ZMIZ1: variants seen among roughly 807,000 people sequenced by gnomAD.
ZMIZ1 encodes zinc finger MIZ-type containing 1.
A neutral mutation model predicts 113.9 loss-of-function variants in ZMIZ1; 17 were observed. The observed-to-expected ratio is 0.15, with a 90% CI of 0.10 to 0.22. The LOEUF (loss-of-function observed/expected upper bound fraction) is 0.22, where lower values mean the gene tolerates loss of function less well. Ranked by LOEUF, ZMIZ1 falls within the 10% of genes least tolerant of loss-of-function variation. The pLI is 1.00. For missense variants in ZMIZ1, 1,059 were observed against 1,477.8 expected (o/e 0.72, Z 4.65); for synonymous variants, 607 against 603.1 (o/e 1.01, Z -0.09).
intron 5 of ZMIZ1, 31 bp downstream of exon 5, chr10:79,201,723 C>G: frequency 6.2e-7 from 1 of 1,603,394 alleles, no homozygotes; most frequent in Non-Finnish European, 8.5e-7. Context: ...ACTCCGAGGG[C>G]GGGGCAGATG....
At chr10:79,225,000 CGAG>C (rs1379051829) in intron 7 of ZMIZ1, among the ~76,000 whole-genome samples, 2 of 152,118 alleles carry the variant, frequency 1.3e-5, no homozygotes, top group Admixed American at 6.6e-5. Context: ...ACCTGAGAGG[CGAG>C]GAGGAGGAGG....
chr10:79,099,372 T>G (rs1843278192), intron 1 of ZMIZ1, among the ~76,000 whole-genome samples: 1 of 152,160 alleles, frequency 6.6e-6, no homozygotes, highest in Non-Finnish European at 1.5e-5. Context: ...GAAAAGGTCC[T>G]TCCCCCTCCC....
intron 8 of ZMIZ1, among the ~76,000 whole-genome samples, chr10:79,278,579 C>T (rs1256591782): frequency 6.6e-6 from 1 of 151,148 alleles, no homozygotes; most frequent in Non-Finnish European, 1.5e-5. Flanking sequence ...GGCAGAGGGT[C>T]CTGCCGCCCT....
At chr10:79,305,264 C>A in intron 20 of ZMIZ1, 33 bp downstream of exon 20, 1 of 1,611,464 alleles carries the variant, frequency 6.2e-7, no homozygotes, top group Non-Finnish European at 8.5e-7. Flanking sequence ...GGGGCTTCCC[C>A]CATCCCCCAA....
chr10:79,221,272 G>T (rs187485141), intron 7 of ZMIZ1, among the ~76,000 whole-genome samples: 10 of 149,756 alleles, frequency 6.7e-5, no homozygotes, highest in African/African-American at 2.2e-4. Context: ...ATGCATGCGT[G>T]TGTGTGTGTG....
At chr10:79,303,298 T>C (rs1854454395) in intron 18 of ZMIZ1, among the ~76,000 whole-genome samples, 1 of 150,776 alleles carries the variant, frequency 6.6e-6, no homozygotes, top group South Asian at 2.1e-4. Flanking sequence ...TACAGAAAAA[T>C]AAAAAATTAG....
chr10:79,075,125 CA>C lies in ZMIZ1; in HGVS notation c.-337+5856del, dbSNP rs11329457. Reference sequence around the variant, plus strand: ...AGCCCCAGCTCCACCCCTAGACAGCCAGCTGAGGGCCTGGGGACTGCCTTCT... The same window carrying C: ...AGCCCCAGCTCCACCCCTAGACAGCCGCTGAGGGCCTGGGGACTGCCTTCT... On this transcript the variant is annotated intron_variant, in intron 1 of 24. Coordinates refer to ENST00000334512, the MANE Select transcript of ZMIZ1 (RefSeq NM_020338.4). Among the ~76,000 whole-genome samples, 1,480 of 152,328 alleles carry C rather than the reference CA, an allele frequency of 9.7e-3. 26 individuals are homozygous for C. Among genetic ancestry groups the C allele is most frequent in the African/African-American group, 0.03 (1,246 of 41,558 alleles).
chr10:79,237,741 G>T (rs1849650280), intron 7 of ZMIZ1, among the ~76,000 whole-genome samples: 2 of 152,184 alleles, frequency 1.3e-5, no homozygotes, highest in South Asian at 4.1e-4. Flanking sequence ...ACATTCACAG[G>T]TTCTGGGGGT....
chr10:79,295,358 G>GAGTGCTGT (rs1178646251), intron 12 of ZMIZ1: 1 of 152,218 alleles, frequency 6.6e-6, no homozygotes, highest in Non-Finnish European at 1.5e-5. Context: ...CCTTTTCATA[G>GAGTGCTGT]AGTGCTGCTG....
At chr10:79,173,635 T>C (rs1009223659) in intron 4 of ZMIZ1, among the ~76,000 whole-genome samples, 2 of 152,200 alleles carry the variant, frequency 1.3e-5, no homozygotes, top group Non-Finnish European at 2.9e-5. Context: ...AGACCAAATC[T>C]TTGCTGTTAA....
At chr10:79,216,685 G>A (rs1250584) in intron 7 of ZMIZ1, among the ~76,000 whole-genome samples, 14 of 152,076 alleles carry the variant, frequency 9.2e-5, no homozygotes, top group Admixed American at 9.2e-4. Flanking sequence ...CAGCTGGAAG[G>A]CAGCAGAGCA....
intron 7 of ZMIZ1, among the ~76,000 whole-genome samples, chr10:79,248,880 C>T (rs1410787010): frequency 3.3e-5 from 5 of 152,134 alleles, no homozygotes; most frequent in South Asian, 4.1e-4. Flanking sequence ...CGGGTAGTCT[C>T]TGGGCTTGCA....
intron 7 of ZMIZ1, among the ~76,000 whole-genome samples, chr10:79,233,004 T>C (rs1169051348): frequency 6.6e-6 from 1 of 152,256 alleles, no homozygotes; most frequent in African/African-American, 2.4e-5. Flanking sequence ...GGCTCCTGGC[T>C]TCCAGCCACG....
At chr10:79,127,209 G>A (rs949552883) in intron 2 of ZMIZ1, among the ~76,000 whole-genome samples, 12 of 152,314 alleles carry the variant, frequency 7.9e-5, no homozygotes, top group Admixed American at 1.3e-4. Context: ...GCATGCTGCC[G>A]GCGCTCTGGG....
intron 1 of ZMIZ1, among the ~76,000 whole-genome samples, chr10:79,086,971 A>T (rs1842834344): frequency 6.6e-6 from 1 of 152,154 alleles, no homozygotes; most frequent in Non-Finnish European, 1.5e-5. Context: ...TGAATTTCTC[A>T]TGCCAAAAAG....
intron 1 of ZMIZ1, among the ~76,000 whole-genome samples, chr10:79,113,758 T>C (rs1658324): frequency 0.74 from 112,857 of 151,694 alleles, 42,698 homozygotes; most frequent in Non-Finnish European, 0.83. Flanking sequence ...CTGGCACCCC[T>C]ACTCTGGCCA....
intron 9 of ZMIZ1, among the ~76,000 whole-genome samples, chr10:79,290,151 C>G (rs972810860): frequency 2.2e-4 from 33 of 152,222 alleles, no homozygotes; most frequent in African/African-American, 7.2e-4. Flanking sequence ...AGGGGTTCTT[C>G]CCTAGCCCAT....
chr10:79,249,140 T>C (rs1293705563), intron 7 of ZMIZ1, among the ~76,000 whole-genome samples: 1 of 152,194 alleles, frequency 6.6e-6, no homozygotes, highest in Non-Finnish European at 1.5e-5. Flanking sequence ...GAGCCCTTTT[T>C]CCTGCCTCTC....
At chr10:79,268,899 G>A (rs930997545) in intron 7 of ZMIZ1, among the ~76,000 whole-genome samples, 3 of 152,316 alleles carry the variant, frequency 2.0e-5, no homozygotes, top group Admixed American at 6.5e-5. Flanking sequence ...GAGGAGAACC[G>A]GCAGGGCTGC....
Sources: gnomAD v4.1 joint callset for allele counts (sites outside exome capture counted in the v4.1 genomes callset) on GRCh38, gnomAD v4.1.1 for gene constraint, MANE v1.5 for transcripts, NCBI Gene and HGNC (gene_info 2026-07-23, HGNC 2026-07-21) for gene names.